AKAP13: variants seen among roughly 807,000 people sequenced by gnomAD.
AKAP13 encodes the protein A-kinase anchoring protein 13, also known as A-kinase anchor protein 13.
AKAP13 carries 80 observed loss-of-function variants against 264.5 expected under a neutral mutation model. That is an observed-to-expected ratio of 0.30 (90% confidence interval 0.25 to 0.36). AKAP13 has a LOEUF of 0.36. AKAP13 is among the 10% of genes least tolerant of loss of function. The probability of loss-of-function intolerance (pLI) is 1.00; values close to 1 mark genes in which losing one functional copy is unlikely to be tolerated. For synonymous variants in AKAP13, 1,380 were observed against 1,250.2 expected, an observed-to-expected ratio of 1.10 and a Z score of -2.19; for missense variants, 3,712 against 3,435.2, an observed-to-expected ratio of 1.08 and a Z score of -2.01.
intron 4 of AKAP13, 110 bp from the exon 5 acceptor site, chr15:85,543,662 C>A: frequency 1.6e-6 from 2 of 1,236,030 alleles, no homozygotes; most frequent in Non-Finnish European, 2.2e-6. Flanking sequence ...CTTAACTTTA[C>A]AATCTTAGGC....
rs2077647462 is a variant in AKAP13 at position 85,543,887 on chromosome 15, G to C, written c.594G>C (p.Gln198His). The change falls in exon 5 of 37, where the codon CAG (glutamine) becomes CAC (histidine). Residue 198 changes from glutamine to histidine, a missense_variant. By Grantham distance (24) the Gln-to-His change is conservative (BLOSUM62 0). Coordinates refer to ENST00000394518, the MANE Select transcript of AKAP13 (RefSeq NM_007200.5). Reference sequence around the variant, plus strand: ...GCGGAGCTCTCAGTATCCACAACCAGGAAGGGGCGACGCCTGTGAGCTTGG... The same window carrying C: ...GCGGAGCTCTCAGTATCCACAACCACGAAGGGGCGACGCCTGTGAGCTTGG... ...GGRGALSIHNQEGATPVSLAL... is the reference protein window; with the variant it reads ...GGRGALSIHNHEGATPVSLAL... 6.2e-7 allele frequency: 1 copy of C among 1,614,026 alleles called. No homozygotes were observed.
intron 1 of AKAP13, among the ~76,000 whole-genome samples, chr15:85,414,387 C>T (rs907560223): frequency 3.3e-5 from 5 of 151,904 alleles, no homozygotes; most frequent in African/African-American, 1.2e-4. Context: ...AAAAAAAATC[C>T]AAGAGGAATA....
intron 8 of AKAP13, among the ~76,000 whole-genome samples, chr15:85,590,201 T>C (rs537977322): frequency 1.9e-4 from 29 of 152,370 alleles, no homozygotes; most frequent in African/African-American, 5.3e-4. Context: ...CTGTATCTTA[T>C]GCTTTGCTAC....
intron 2 of AKAP13, among the ~76,000 whole-genome samples, chr15:85,511,426 C>T (rs2076416104): frequency 6.6e-6 from 1 of 152,156 alleles, no homozygotes; most frequent in South Asian, 2.1e-4. Context: ...TGTTACCTAC[C>T]TGTTGGATAT....
At chr15:85,441,261 C>CT (rs1243141427) in intron 1 of AKAP13, among the ~76,000 whole-genome samples, 2 of 151,380 alleles carry the variant, frequency 1.3e-5, no homozygotes, top group African/African-American at 2.4e-5. Flanking sequence ...TAATGTTAAG[C>CT]TTTTTTTTAC....
chr15:85,743,747 C>G lies in AKAP13; in HGVS notation c.8314C>G (p.Arg2772Gly). The change falls in exon 36 of 37, where the codon CGC becomes GGC. Residue 2772 changes from arginine to glycine, a missense_variant. By Grantham distance (125) the Arg-to-Gly change is moderately radical (BLOSUM62 -2). Transcript: ENST00000394518. ...QAPASTSAST[R>G]LFGLTKPKEK... is the part of the protein sequence containing the mutation. Reference sequence around the variant, plus strand: ...CCCTGCGTCCACCTCTGCCTCTACCCGCCTGTTTGGGTTAACAAAGCCAAA... The same window carrying G: ...CCCTGCGTCCACCTCTGCCTCTACCGGCCTGTTTGGGTTAACAAAGCCAAA... The G allele has an allele frequency of 1.2e-6, 2 of 1,614,110 alleles. No homozygotes were observed. The highest frequency in any genetic ancestry group is 1.7e-6 in the Non-Finnish European group (2 of 1,180,040).
Position 85,534,031 on chromosome 15 carries a change from G to A in AKAP13, c.478+151G>A, listed in dbSNP as rs541941740. On this transcript the variant is annotated intron_variant, in intron 4 of 36. Coordinates refer to ENST00000394518, the MANE Select transcript of AKAP13 (RefSeq NM_007200.5). Reference sequence around the variant, plus strand: ...TTACTGTAGGAAAGTGGCCTCAATGGCATCTCTTCTAGGTTCTTCAATTGA... The same window carrying A: ...TTACTGTAGGAAAGTGGCCTCAATGACATCTCTTCTAGGTTCTTCAATTGA... The A allele has an allele frequency of 2.2e-5, 18 of 810,106 alleles. No individual in the cohort carries two copies. The African/African-American group carries it at 2.4e-4, about 11-fold the overall frequency. 50.2% of individuals were successfully genotyped at this position (810,106 alleles called of 1,614,324 possible).
chr15:85,746,741 G>A lies in AKAP13; in HGVS notation c.*2064G>A, dbSNP rs967325472. 6.6e-6 allele frequency: 1 copy of A among 152,134 alleles called. No individual in the cohort carries two copies. Among genetic ancestry groups the A allele is most frequent in the South Asian group, 2.1e-4 (1 of 4,812 alleles). The allele number at this position is 152,134 out of a possible 1,614,324, so 9.4% of individuals were successfully genotyped here. ...GTCGTGACTTTCCTGAGATCTACCC[G>A]GGGCTTGGCTGTCTGTTCTGGGCAC... On this transcript the variant is annotated 3_prime_UTR_variant, in exon 37 of 37. Transcript: ENST00000394518.
chr15:85,740,967 G>C, intron 34 of AKAP13, 79 bp from the exon 35 acceptor site: 1 of 1,521,220 alleles, frequency 6.6e-7, no homozygotes, highest in Admixed American at 2.1e-5. Context: ...GGTGCCCCCT[G>C]CTGTGGGGTC....
chr15:85,743,020 A>C (rs946592465), intron 35 of AKAP13, among the ~76,000 whole-genome samples: 2 of 152,034 alleles, frequency 1.3e-5, no homozygotes, highest in Non-Finnish European at 1.5e-5. Flanking sequence ...GATCCTCTTT[A>C]TCTCTGGTTT....
chr15:85,717,886 G>C (rs974108393), intron 21 of AKAP13, 121 bp from the exon 22 acceptor site: 3 of 949,290 alleles, frequency 3.2e-6, no homozygotes, highest in African/African-American at 3.3e-5. Context: ...TATGATCTCT[G>C]TGAATATCCC....
chr15:85,744,521 GCC>G, intron 36 of AKAP13, 105 bp from the exon 37 acceptor site: 1 of 1,201,058 alleles, frequency 8.3e-7, no homozygotes, highest in Non-Finnish European at 1.2e-6. Context: ...TTGCCCATAA[GCC>G]CCAGTCGCCT....
intron 12 of AKAP13, chr15:85,662,468 T>G: frequency 6.2e-7 from 1 of 1,614,118 alleles, no homozygotes; most frequent in Non-Finnish European, 8.5e-7. Context: ...GATATTGTTA[T>G]GTGTCCCGCC....
rs1381753025 is a variant in AKAP13, at chr15:85,684,802, A to G, written c.5218A>G (p.Lys1740Glu). The G allele has an allele frequency of 6.2e-7, 1 of 1,613,848 alleles. No individual in the cohort carries two copies. The highest frequency in any genetic ancestry group is 8.5e-7 in the Non-Finnish European group (1 of 1,180,012). The change falls in exon 16 of 37, where the codon AAG becomes GAG. Residue 1740 changes from lysine to glutamate, a missense_variant. By Grantham distance (56) the Lys-to-Glu change is moderately conservative. This residue lies in a region of AKAP13 where 2,759 missense variants were observed against 2,411.7 expected (regional missense o/e 1.14). Transcript: ENST00000394518. ...CCCCTCCAAGAAAGATTCTGAATGGAAGAGTGGAACAAAAGTCAGTCGTAC... is the reference window on the plus strand; with the variant it reads ...CCCCTCCAAGAAAGATTCTGAATGGGAGAGTGGAACAAAAGTCAGTCGTAC... Reference protein sequence around the residue: ...HSPSKKDSEWKSGTKVSRTFS... With the variant: ...HSPSKKDSEWESGTKVSRTFS...
At chr15:85,533,944 G>A in intron 4 of AKAP13, 64 bp downstream of exon 4, 3 of 1,470,596 alleles carry the variant, frequency 2.0e-6, no homozygotes, top group African/African-American at 1.4e-5. Context: ...TTTTTTTAAT[G>A]GGGCTACTTT....
At chr15:85,564,304 T>G (rs1252942782) in intron 5 of AKAP13, among the ~76,000 whole-genome samples, 2 of 152,196 alleles carry the variant, frequency 1.3e-5, no homozygotes, top group East Asian at 1.9e-4. Context: ...TTCATCCAAA[T>G]TCTCCGATTC....
rs771791070 is a variant in AKAP13 at position 85,560,596 on chromosome 15, A to G, written c.663-14535A>G. ...AGCTGATGCTCCATTTTGTAGTCTG[A>G]TAGTTTCACTTTGTCATATTTTTAT... is the stretch of plus-strand genomic sequence containing the variant. On this transcript the variant is annotated intron_variant, in intron 5 of 36. Transcript: ENST00000394518. Among the ~76,000 whole-genome samples, 11 of 152,282 alleles carry G rather than the reference A, an allele frequency of 7.2e-5. No individual in the cohort carries two copies. In the South Asian group the frequency reaches 1.2e-3, roughly 17 times the overall value.
chr15:85,427,230 C>T (rs1029953123), intron 1 of AKAP13, among the ~76,000 whole-genome samples: 11 of 152,272 alleles, frequency 7.2e-5, no homozygotes, highest in Non-Finnish European at 4.4e-5. Context: ...GCTGGGATTA[C>T]AAGCGTGAGC....
chr15:85,640,937 A>G (rs1028793088), intron 9 of AKAP13, among the ~76,000 whole-genome samples: 7 of 152,130 alleles, frequency 4.6e-5, no homozygotes, highest in African/African-American at 1.7e-4. Flanking sequence ...GTACACCCTA[A>G]CCCCAAGCAT....
Sources: gnomAD v4.1 joint callset for allele counts (sites outside exome capture counted in the v4.1 genomes callset) on GRCh38, gnomAD v4.1.1 for gene constraint, gnomAD v4.1.1 regional missense constraint, MANE v1.5 for transcripts, NCBI Gene and HGNC (gene_info 2026-07-23, HGNC 2026-07-21) for gene names.